Variants in CNTN4 observed in about 807,000 individuals in gnomAD.
CNTN4 encodes contactin 4.
Under a neutral mutation model 122.5 loss-of-function variants are expected in CNTN4, and 77 were observed. The ratio of observed to expected loss-of-function variants is 0.63; its 90% CI spans 0.52 to 0.76. The LOEUF is 0.76. Among genes scored for constraint, CNTN4 ranks in the 30% least tolerant of loss-of-function variants. The probability of loss-of-function intolerance (pLI) is 0.00; values close to 1 mark genes in which losing one functional copy is unlikely to be tolerated. For synonymous variants in CNTN4, 512 were observed against 447.0 expected, an observed-to-expected ratio of 1.15 and a Z score of -1.83; for missense variants, 1,256 against 1,259.1, an observed-to-expected ratio of 1.00 and a Z score of 0.04.
At position 2,574,084 on chromosome 3, in the gene CNTN4, T is replaced by C. The variant is rs570321818; in HGVS notation, c.55+2526T>C. On this transcript the variant is annotated intron_variant, in intron 4 of 24. Transcript: ENST00000418658. ...ATGTAAAATTAGCAAGGCATGGTGG[T>C]GTATGCCTGTAATCCCAGCTACTTG... Among the ~76,000 whole-genome samples, 70 of 152,142 alleles carry C rather than the reference T, an allele frequency of 4.6e-4. 1 individual carries two copies. In the South Asian group the frequency reaches 9.6e-3, roughly 21 times the overall value.
intron 6 of CNTN4, among the ~76,000 whole-genome samples, chr3:2,746,990 A>T (rs574756198): frequency 1.4e-4 from 22 of 152,216 alleles, no homozygotes; most frequent in South Asian, 4.1e-4. Flanking sequence ...CCATAGGATC[A>T]TGTACTCTCA....
intron 2 of CNTN4, among the ~76,000 whole-genome samples, chr3:2,136,584 G>C (rs2034702594): frequency 6.6e-6 from 1 of 152,028 alleles, no homozygotes. Context: ...TTGGTTTAAA[G>C]CATATTTCAT....
intron 2 of CNTN4, among the ~76,000 whole-genome samples, chr3:2,154,057 A>G (rs2035607597): frequency 6.6e-6 from 1 of 152,062 alleles, no homozygotes. Context: ...ACATTCTGTT[A>G]TTTTTTTAAA....
chr3:2,567,685 A>T (rs2079233620), intron 3 of CNTN4, among the ~76,000 whole-genome samples: 1 of 152,208 alleles, frequency 6.6e-6, no homozygotes, highest in Non-Finnish European at 1.5e-5. Context: ...TAGATTCTGC[A>T]GTCTACGCTT....
chr3:2,890,368 C>A (rs2094024988), intron 10 of CNTN4, among the ~76,000 whole-genome samples: 1 of 152,084 alleles, frequency 6.6e-6, no homozygotes, highest in Admixed American at 6.6e-5. Context: ...TTAAAATCAC[C>A]ATGTAGATGA....
rs577087687 is a variant in CNTN4, at chr3:2,124,357, T to C, written c.-145+23718T>C. On this transcript the variant is annotated intron_variant, in intron 2 of 24. Coordinates refer to ENST00000418658, the MANE Select transcript of CNTN4 (RefSeq NM_175607.3). Reference sequence around the variant, plus strand: ...GGGCGGTTTTAGGTAATGATTACTTTCTTGGCAGATAGAGGATTCTTTTAT... The same window carrying C: ...GGGCGGTTTTAGGTAATGATTACTTCCTTGGCAGATAGAGGATTCTTTTAT... 1.3e-5 allele frequency among the ~76,000 whole-genome samples: 2 copies of C among 152,180 alleles called. 1 individual carries two copies. The highest frequency in any genetic ancestry group is 1.3e-4 in the Admixed American group (2 of 15,260).
At chr3:2,714,848 C>T (rs1354587690) in intron 4 of CNTN4, among the ~76,000 whole-genome samples, 1 of 152,190 alleles carries the variant, frequency 6.6e-6, no homozygotes, top group Non-Finnish European at 1.5e-5. Context: ...AACGATCCTC[C>T]TTCCTTGGCC....
chr3:2,927,162 CAT>C (rs1378539428), intron 13 of CNTN4: 1 of 300,766 alleles, frequency 3.3e-6, no homozygotes, highest in East Asian at 8.2e-5. Flanking sequence ...GGGTATTAGA[CAT>C]GTCAAAAATC....
chr3:2,300,081 T>G (rs2042449679), intron 2 of CNTN4, among the ~76,000 whole-genome samples: 1 of 152,186 alleles, frequency 6.6e-6, no homozygotes, highest in African/African-American at 2.4e-5. Flanking sequence ...TTTGAAAAAC[T>G]GACTCTATTA....
intron 4 of CNTN4, among the ~76,000 whole-genome samples, chr3:2,675,834 C>A (rs1314015637): frequency 6.6e-6 from 1 of 152,136 alleles, no homozygotes; most frequent in African/African-American, 2.4e-5. Flanking sequence ...ACTGCTAAGC[C>A]TAATATGTCT....
chr3:2,957,238 A>C (rs1360854310), intron 13 of CNTN4, among the ~76,000 whole-genome samples: 1 of 152,148 alleles, frequency 6.6e-6, no homozygotes, highest in Non-Finnish European at 1.5e-5. Context: ...GGTTATACCA[A>C]TTTACATTCC....
chr3:2,345,135 C>T (rs1298528340), intron 3 of CNTN4, among the ~76,000 whole-genome samples: 2 of 152,196 alleles, frequency 1.3e-5, no homozygotes, highest in East Asian at 1.9e-4. Context: ...GAGAACACAT[C>T]CCTGTGGCCT....
At chr3:2,827,493 G>A (rs1020809675) in intron 7 of CNTN4, among the ~76,000 whole-genome samples, 2 of 152,182 alleles carry the variant, frequency 1.3e-5, no homozygotes, top group Non-Finnish European at 2.9e-5. Context: ...CATCTTTGGA[G>A]ATATGTGATT....
At chr3:2,978,655 G>A (rs1013643865) in intron 13 of CNTN4, among the ~76,000 whole-genome samples, 1 of 152,210 alleles carries the variant, frequency 6.6e-6, no homozygotes, top group Non-Finnish European at 1.5e-5. Context: ...GTCTATTAAT[G>A]ACAGGCTCGC....
intron 13 of CNTN4, among the ~76,000 whole-genome samples, chr3:2,946,704 C>CTTTTTTT (rs55883455): frequency 1.7e-5 from 2 of 119,388 alleles, no homozygotes; most frequent in Non-Finnish European, 3.4e-5. Flanking sequence ...TTTTTTTTTT[C>CTTTTTTT]TTTTTTTTTT....
At chr3:2,659,197 C>T (rs1321321435) in intron 4 of CNTN4, among the ~76,000 whole-genome samples, 1 of 151,232 alleles carries the variant, frequency 6.6e-6, no homozygotes, top group African/African-American at 2.4e-5. Context: ...GGTGGTGGCT[C>T]AGACCTGTAA....
In CNTN4 at chr3:2,970,531, C is replaced by T. The variant is rs1219529765; in HGVS notation, c.1359-17814C>T. ...GCTTGATTCCAGCTCACTGCAGCCT[C>T]GACCTGCTGGGCTCAAGCAATCCTG... is the stretch of plus-strand genomic sequence containing the variant. On this transcript the variant is annotated intron_variant, in intron 13 of 24. Transcript: ENST00000418658. 1.3e-4 allele frequency among the ~76,000 whole-genome samples: 20 copies of T among 152,164 alleles called. No homozygotes were observed. The South Asian group carries it at 2.1e-3, about 16-fold the overall frequency.
chr3:2,306,551 A>G (rs1430650069), intron 2 of CNTN4, among the ~76,000 whole-genome samples: 1 of 152,160 alleles, frequency 6.6e-6, no homozygotes, highest in Non-Finnish European at 1.5e-5. Flanking sequence ...TTGGCTATGT[A>G]GTCTAAGTCG....
intron 4 of CNTN4, among the ~76,000 whole-genome samples, chr3:2,640,298 G>T (rs566296939): frequency 2.3e-4 from 35 of 152,314 alleles, no homozygotes; most frequent in Non-Finnish European, 2.9e-4. Flanking sequence ...ATCAAAAACT[G>T]TACTCTAACA....
Sources: allele counts gnomAD v4.1 joint callset (sites outside exome capture counted in the v4.1 genomes callset), GRCh38; gene constraint gnomAD v4.1.1; transcripts MANE v1.5; gene names NCBI Gene and HGNC (gene_info 2026-07-23, HGNC 2026-07-21).